Variants in ADAMTS17 observed in about 807,000 individuals in gnomAD.
ADAMTS17 encodes ADAM metallopeptidase with thrombospondin type 1 motif 17.
In ADAMTS17, 113 loss-of-function variants were observed where a neutral mutation model predicts 141.5. The observed-to-expected ratio is 0.80, with a 90% CI of 0.69 to 0.93. The LOEUF is 0.93. ADAMTS17 is among the 40% of genes least tolerant of loss of function. The pLI, the probability that ADAMTS17 is intolerant of heterozygous loss-of-function variation, is 0.00. For synonymous variants in ADAMTS17, 768 were observed against 630.6 expected (o/e 1.22, Z -3.27); for missense variants, 1,659 against 1,517.9 (o/e 1.09, Z -1.54).
chr15:100,322,244 G>C (rs2141911404), intron 3 of ADAMTS17, among the ~76,000 whole-genome samples: 1 of 152,320 alleles, frequency 6.6e-6, no homozygotes, highest in African/African-American at 2.4e-5. Context: ...CCAGAGGACA[G>C]AGTGCAGGGC....
At chr15:100,306,069 C>G (rs2045213721) in intron 3 of ADAMTS17, 1 of 165,838 alleles carries the variant, frequency 6.0e-6, no homozygotes, top group African/African-American at 2.4e-5. Flanking sequence ...AGCCCCATAC[C>G]CGGTATGCTG....
chr15:100,041,562 T>A (rs1307856997), intron 18 of ADAMTS17, among the ~76,000 whole-genome samples: 1 of 152,218 alleles, frequency 6.6e-6, no homozygotes, highest in Non-Finnish European at 1.5e-5. Flanking sequence ...CCCTGCAGAC[T>A]GTGGTTAGCA....
chr15:99,992,966 G>T, intron 20 of ADAMTS17, 82 bp downstream of exon 20: 1 of 1,570,316 alleles, frequency 6.4e-7, no homozygotes, highest in South Asian at 1.1e-5. Flanking sequence ...GTAGAATTGG[G>T]ACCCGTCACA....
intron 15 of ADAMTS17, among the ~76,000 whole-genome samples, chr15:100,080,984 C>T (rs1198168877): frequency 6.6e-6 from 1 of 152,160 alleles, no homozygotes; most frequent in Non-Finnish European, 1.5e-5. Context: ...ATGGTTGATA[C>T]TGAGTGTCAA....
chr15:100,253,609 C>A (rs557208297), intron 7 of ADAMTS17, among the ~76,000 whole-genome samples: 1 of 151,992 alleles, frequency 6.6e-6, no homozygotes, highest in South Asian at 2.1e-4. Flanking sequence ...TTTCTCAGCA[C>A]TGCATGCCAC....
chr15:100,033,026 T>C (rs894812964), intron 18 of ADAMTS17, among the ~76,000 whole-genome samples: 1 of 152,212 alleles, frequency 6.6e-6, no homozygotes, highest in Non-Finnish European at 1.5e-5. Context: ...ACTTTTACAA[T>C]AATCATTTTC....
At chr15:100,292,470 T>TACTCACCCCGTGTGAAATTATGAGAGAC (rs1567497906) in intron 3 of ADAMTS17, among the ~76,000 whole-genome samples, 18 of 109,708 alleles carry the variant, frequency 1.6e-4, no homozygotes, top group African/African-American at 5.7e-4. Flanking sequence ...TTATGAGAGA[T>TACTCACCCCGTGTGAAATTATGAGAGAC]ACTCACCCCG....
At chr15:100,171,534 C>A (rs557033138) in intron 8 of ADAMTS17, among the ~76,000 whole-genome samples, 189 of 152,304 alleles carry the variant, frequency 1.2e-3, no homozygotes, top group African/African-American at 4.3e-3. Context: ...TGCCTTTGCT[C>A]ATGCCTTTGC....
At chr15:100,060,660 T>A (rs1305417472) in intron 15 of ADAMTS17, among the ~76,000 whole-genome samples, 1 of 152,180 alleles carries the variant, frequency 6.6e-6, no homozygotes, top group Non-Finnish European at 1.5e-5. Context: ...TCAACCTACT[T>A]CTAAACCTGG....
At chr15:100,256,756 AGGAGGAGTTCTCGACTTCAG>A (rs1360322927) in intron 6 of ADAMTS17, 1 of 152,558 alleles carries the variant, frequency 6.6e-6, no homozygotes, top group African/African-American at 2.4e-5. Context: ...CCCAGGCTCG[AGGAGGAGTTCTCGACTTCAG>A]GGAGGAGTTC....
At chr15:100,254,102 G>A (rs2043246015) in intron 7 of ADAMTS17, 34 bp downstream of exon 7, 2 of 1,601,224 alleles carry the variant, frequency 1.2e-6, no homozygotes, top group East Asian at 4.5e-5. Context: ...GGGTGTATCA[G>A]CCCCTTAGAT....
In ADAMTS17 at chr15:100,083,522, T is replaced by C. The variant is rs78130094; in HGVS notation, c.2137+12834A>G. ...TTTTGAAGACCTGAAAACAACCACA[T>C]GTTCAATCATCCAGAAAGAAAGTTT... On this transcript the variant is annotated intron_variant, in intron 15 of 21. Coordinates refer to ENST00000268070, the MANE Select transcript of ADAMTS17 (RefSeq NM_139057.4). Among the ~76,000 whole-genome samples the C allele has an allele frequency of 9.8e-3, 1,497 of 152,168 alleles. 30 individuals carry two copies. Among genetic ancestry groups the C allele is most frequent in the African/African-American group, 0.035 (1,448 of 41,498 alleles).
chr15:100,287,544 G>T (rs112595424), intron 3 of ADAMTS17, among the ~76,000 whole-genome samples: 82 of 152,284 alleles, frequency 5.4e-4, no homozygotes, highest in African/African-American at 1.6e-3. Flanking sequence ...ACCCCTGAAA[G>T]ATCCTATACA....
chr15:100,204,729 C>G (rs1403815897), intron 7 of ADAMTS17, among the ~76,000 whole-genome samples: 2 of 152,110 alleles, frequency 1.3e-5, no homozygotes, highest in Non-Finnish European at 2.9e-5. Context: ...GTAGACAAAG[C>G]CTTCTTAGCT....
chr15:100,315,751 G>A (rs930088271), intron 3 of ADAMTS17, among the ~76,000 whole-genome samples: 1 of 152,164 alleles, frequency 6.6e-6, no homozygotes, highest in African/African-American at 2.4e-5. Context: ...CTCACACACA[G>A]TCACTGAAAG....
At chr15:100,136,034 T>G (rs1487546491) in intron 10 of ADAMTS17, among the ~76,000 whole-genome samples, 1 of 152,226 alleles carries the variant, frequency 6.6e-6, no homozygotes, top group Non-Finnish European at 1.5e-5. Context: ...TTGCTAAAGC[T>G]GAAGACACAC....
intron 7 of ADAMTS17, among the ~76,000 whole-genome samples, chr15:100,246,941 T>C (rs2043007314): frequency 1.3e-5 from 2 of 152,130 alleles, no homozygotes; most frequent in African/African-American, 4.8e-5. Flanking sequence ...TGGAGTGCAA[T>C]GGCACAATCT....
At chr15:100,011,937 T>C (rs567958073) in intron 18 of ADAMTS17, among the ~76,000 whole-genome samples, 1 of 152,352 alleles carries the variant, frequency 6.6e-6, no homozygotes, top group South Asian at 2.1e-4. Flanking sequence ...CAAATGGTAG[T>C]TCTACTTTCA....
chr15:100,320,744 G>T (rs1358199562), intron 3 of ADAMTS17, among the ~76,000 whole-genome samples: 1 of 152,108 alleles, frequency 6.6e-6, no homozygotes, highest in Non-Finnish European at 1.5e-5. Context: ...AAGGTAGGAG[G>T]ATCCCTTAAG....
Sources: gnomAD v4.1 joint callset for allele counts (sites outside exome capture counted in the v4.1 genomes callset) on GRCh38, gnomAD v4.1.1 for gene constraint, MANE v1.5 for transcripts, NCBI Gene and HGNC (gene_info 2026-07-23, HGNC 2026-07-21) for gene names.